Variants in TMED3 observed in about 807,000 individuals in gnomAD.
TMED3 encodes transmembrane p24 trafficking protein 3, also known as transmembrane emp24 domain-containing protein 3.
A neutral mutation model predicts 15.0 loss-of-function variants in TMED3; 9 were observed. That is an observed-to-expected ratio of 0.60 (90% CI 0.36 to 1.04). The LOEUF (loss-of-function observed/expected upper bound fraction) is 1.04, where lower values mean the gene tolerates loss of function less well. Ranked by LOEUF, TMED3 falls within the 50% of genes least tolerant of loss-of-function variation. The probability of loss-of-function intolerance (pLI) is 0.01; values close to 1 mark genes in which losing one functional copy is unlikely to be tolerated. For synonymous variants in TMED3, 117 were observed against 121.4 expected, an observed-to-expected ratio of 0.96 and a Z score of 0.24; for missense variants, 267 against 278.9, an observed-to-expected ratio of 0.96 and a Z score of 0.30.
chr15:79,334,039 GCTATTAGCTAATAGC>G (rs1232345629), intron 2 of TMED3, among the ~76,000 whole-genome samples: 2 of 152,080 alleles, frequency 1.3e-5, no homozygotes, highest in African/African-American at 4.8e-5. Flanking sequence ...AACTTAATTT[GCTATTAGCTAATAGC>G]AAATTAATAG....
At chr15:79,399,444 G>A (rs1287682539) in intron 2 of TMED3, among the ~76,000 whole-genome samples, 1 of 152,130 alleles carries the variant, frequency 6.6e-6, no homozygotes, top group Non-Finnish European at 1.5e-5. Flanking sequence ...ACGCAAAAAA[G>A]AGGAAAGAAA....
At chr15:79,370,085 A>G (rs1293352960) in intron 2 of TMED3, among the ~76,000 whole-genome samples, 2 of 151,880 alleles carry the variant, frequency 1.3e-5, no homozygotes, top group African/African-American at 2.4e-5. Flanking sequence ...AAGAGGTAAA[A>G]GGCTATATGT....
At chr15:79,366,609 T>TTAGAGCTTACTTTCAAGCTTTCA (rs1893240627) in intron 2 of TMED3, among the ~76,000 whole-genome samples, 2 of 152,238 alleles carry the variant, frequency 1.3e-5, no homozygotes, top group Admixed American at 1.3e-4. Context: ...ATTTCCATGC[T>TTAGAGCTTACTTTCAAGCTTTCA]TGGTTCGGGG....
chr15:79,345,346 G>C (rs2058866526), intron 2 of TMED3, among the ~76,000 whole-genome samples: 2 of 151,924 alleles, frequency 1.3e-5, no homozygotes, highest in South Asian at 4.2e-4. Context: ...TCCCCTTTAT[G>C]TGTCCATGTG....
intron 1 of TMED3, among the ~76,000 whole-genome samples, chr15:79,313,354 A>G (rs954595114): frequency 8.5e-5 from 13 of 152,186 alleles, no homozygotes; most frequent in African/African-American, 2.7e-4. Flanking sequence ...GAATAGTGCA[A>G]TAGGTAAATG....
At chr15:79,376,132 C>G (rs760362715) in intron 2 of TMED3, among the ~76,000 whole-genome samples, 1 of 120,004 alleles carries the variant, frequency 8.3e-6, no homozygotes, top group Non-Finnish European at 1.6e-5. Context: ...TTTTTTGAGA[C>G]GAAGTCTCGC....
intron 2 of TMED3, among the ~76,000 whole-genome samples, chr15:79,345,552 T>C (rs1040449677): frequency 6.6e-5 from 10 of 152,246 alleles, no homozygotes; most frequent in Non-Finnish European, 1.3e-4. Flanking sequence ...CTATTATTGG[T>C]GGGCATTTAG....
At chr15:79,402,447 G>A (rs192029840) in intron 2 of TMED3, among the ~76,000 whole-genome samples, 7 of 152,316 alleles carry the variant, frequency 4.6e-5, no homozygotes, top group African/African-American at 1.2e-4. Context: ...AGTTATACCT[G>A]CACAAAGCTG....
At chr15:79,412,311 G>C (rs1283364622) in exon 3 of TMED3, 1 of 152,124 alleles carries the variant, frequency 6.6e-6, no homozygotes, top group Non-Finnish European at 1.5e-5. Context: ...TGCCACTGCT[G>C]CTGGCATGAG....
At chr15:79,379,542 T>C (rs1595905990) in intron 2 of TMED3, among the ~76,000 whole-genome samples, 2 of 151,890 alleles carry the variant, frequency 1.3e-5, no homozygotes, top group South Asian at 2.1e-4. Flanking sequence ...TGAAGTGATA[T>C]ATATCTAATA....
intron 2 of TMED3, among the ~76,000 whole-genome samples, chr15:79,350,856 C>G (rs2058888816): frequency 6.6e-6 from 1 of 152,174 alleles, no homozygotes; most frequent in African/African-American, 2.4e-5. Context: ...TCACTGATCT[C>G]AGGTTTTGCT....
chr15:79,403,091 G>T (rs1036012899), intron 2 of TMED3, among the ~76,000 whole-genome samples: 1 of 151,062 alleles, frequency 6.6e-6, no homozygotes, highest in Non-Finnish European at 1.5e-5. Context: ...GTGTGGTGGT[G>T]CATGCCTGTA....
At chr15:79,317,413 T>C (rs1191301462) in intron 2 of TMED3, among the ~76,000 whole-genome samples, 3 of 152,220 alleles carry the variant, frequency 2.0e-5, no homozygotes, top group Non-Finnish European at 4.4e-5. Flanking sequence ...TACTGCTGAA[T>C]TCCCAGGCCA....
intron 2 of TMED3, among the ~76,000 whole-genome samples, chr15:79,335,306 C>CA (rs1214701444): frequency 1.3e-5 from 2 of 152,004 alleles, no homozygotes; most frequent in African/African-American, 2.4e-5. Flanking sequence ...AATAAACAAA[C>CA]AACATTGAAG....
Position 79,353,190 on chromosome 15 carries a change from T to TTATATATATTATAC in TMED3, c.417+39185_417+39186insTATATATATTATAC, listed in dbSNP as rs2058901261. 1.3e-4 allele frequency among the ~76,000 whole-genome samples: 7 copies of TTATATATATTATAC among 53,248 alleles called. 1 individual carries two copies. Among genetic ancestry groups the TTATATATATTATAC allele is most frequent in the African/African-American group, 6.6e-4 (7 of 10,636 alleles). The allele number at this position is 53,248 out of a possible 152,430, so 34.9% of individuals were successfully genotyped here. On this transcript the variant is annotated intron_variant, in intron 2 of 2. Transcript: ENST00000424155. ...ATATATACATAATATATAAAATATA[T>TTATATATATTATAC]ATAATATATAAAATATATATTATAT...
chr15:79,408,027 G>T (rs4302013), intron 2 of TMED3, among the ~76,000 whole-genome samples: 60,884 of 151,992 alleles, frequency 0.4, 12,862 homozygotes, highest in Middle Eastern at 0.57. Context: ...TTACAAAGTC[G>T]TTGGAAAGAT....
intron 2 of TMED3, among the ~76,000 whole-genome samples, chr15:79,330,525 A>G (rs1482842926): frequency 6.6e-6 from 1 of 152,202 alleles, no homozygotes; most frequent in Non-Finnish European, 1.5e-5. Flanking sequence ...CTGATGAAAG[A>G]AATTGAAGAC....
intron 2 of TMED3, among the ~76,000 whole-genome samples, chr15:79,387,575 TAC>T (rs576447801): frequency 6.8e-6 from 1 of 147,242 alleles, no homozygotes; most frequent in African/African-American, 2.5e-5. Flanking sequence ...GAAATTAAAA[TAC>T]ACACACACAT....
chr15:79,328,815 G>A (rs1186672547), intron 2 of TMED3, among the ~76,000 whole-genome samples: 2 of 152,182 alleles, frequency 1.3e-5, no homozygotes, highest in Admixed American at 6.5e-5. Context: ...TAGCCTGGGG[G>A]CAGAGGCCCC....
Sources: gnomAD v4.1 joint callset for allele counts (sites outside exome capture counted in the v4.1 genomes callset) on GRCh38, gnomAD v4.1.1 for gene constraint, MANE v1.5 for transcripts, NCBI Gene and HGNC (gene_info 2026-07-23, HGNC 2026-07-21) for gene names.